The following ZNF343 variants were observed in gnomAD, a reference collection of about 807,000 sequenced individuals.
ZNF343 encodes zinc finger protein 343.
ZNF343 carries 11 observed loss-of-function variants against 13.8 expected under a neutral mutation model. That is an observed-to-expected ratio of 0.80 (90% CI 0.50 to 1.32). The LOEUF (loss-of-function observed/expected upper bound fraction) is 1.32. Ranked by LOEUF, ZNF343 falls within the 40% of genes most tolerant of loss-of-function variation. The pLI is 0.00. For synonymous variants in ZNF343, 248 were observed against 260.0 expected (o/e 0.95, Z 0.44); for missense variants, 658 against 714.2 (o/e 0.92, Z 0.90).
intron 1 of ZNF343, among the ~76,000 whole-genome samples, chr20:2,507,636 G>A (rs1048903211): frequency 2.0e-5 from 3 of 152,144 alleles, no homozygotes; most frequent in African/African-American, 7.2e-5. Flanking sequence ...TAGCCAGCTG[G>A]GCCAGTAATG....
chr20:2,494,419 G>A (rs942277336), intron 2 of ZNF343, among the ~76,000 whole-genome samples: 15 of 152,076 alleles, frequency 9.9e-5, no homozygotes, highest in African/African-American at 3.4e-4. Flanking sequence ...ACTGGGGCGT[G>A]CAGAACTCAG....
chr20:2,484,111 G>A lies in ZNF343; in HGVS notation c.850C>T (p.Leu284Phe). 3 of 1,614,196 alleles carry A rather than the reference G, an allele frequency of 1.9e-6. No individual in the cohort carries two copies. The highest frequency in any genetic ancestry group is 2.5e-6 in the Non-Finnish European group (3 of 1,180,042). ...CGRSFKDRST[L>F]IRHHRIHSME... ...GAGTGTATACGATGGTGTCTGATGA[G>A]GGTTGATCTATCTTTAAAGCTTCGC... The change falls in exon 6 of 6, where the codon CTC becomes TTC. Residue 284 changes from leucine (L) to phenylalanine (F), a missense_variant. Coordinates refer to ENST00000278772, the MANE Select transcript of ZNF343 (RefSeq NM_024325.6).
chr20:2,512,178 A>G (rs954320557), upstream of ZNF343, among the ~76,000 whole-genome samples: 33 of 152,260 alleles, frequency 2.2e-4, no homozygotes, highest in Admixed American at 8.5e-4. Context: ...GTAAGCTCCA[A>G]ATAAATGAAA....
intron 1 of ZNF343, among the ~76,000 whole-genome samples, chr20:2,504,123 G>C (rs1347590582): frequency 6.6e-6 from 1 of 152,222 alleles, no homozygotes; most frequent in Admixed American, 6.5e-5. Context: ...AAATGATAAA[G>C]GGGATATCAC....
In ZNF343 at chr20:2,518,275, C is replaced by A. The variant is rs531450197; in HGVS notation, c.-347+6180G>T. Reference sequence around the variant, plus strand: ...CAGACAGTTTGCCGACCTTGGCCTCCCAGAGTGTTAGAATTACAGGCGTGA... The same window carrying A: ...CAGACAGTTTGCCGACCTTGGCCTCACAGAGTGTTAGAATTACAGGCGTGA... On this transcript the variant is annotated intron_variant, in intron 1 of 6. Coordinates refer to the ZNF343 transcript ENST00000358413. The surrounding 1 kb of genome is among the most constrained non-coding windows in gnomAD (Gnocchi z 4.6). Among the ~76,000 whole-genome samples the A allele has an allele frequency of 6.6e-6, 1 of 152,274 alleles. No individual in the cohort carries two copies. The highest frequency in any genetic ancestry group is 2.4e-5 in the African/African-American group (1 of 41,558).
Position 2,499,396 on chromosome 20 carries a change from C to T in ZNF343, c.-150+1260G>A, listed in dbSNP as rs1343990334. ...AGGAGAATGGCGTGAACCTGGGAGG[C>T]GGAGCTTGCAGTGAGCCGAGATCCC... is the stretch of plus-strand genomic sequence containing the variant. On this transcript the variant is annotated intron_variant, in intron 2 of 5. Coordinates refer to ENST00000278772, the MANE Select transcript of ZNF343 (RefSeq NM_024325.6). Among the ~76,000 whole-genome samples the T allele has an allele frequency of 8.0e-4, 70 of 87,896 alleles. 8 individuals carry two copies. The East Asian group carries it at 0.019, about 24-fold the overall frequency. 57.7% of individuals were successfully genotyped at this position (87,896 alleles called of 152,430 possible).
At chr20:2,484,765 A>G (rs1309850588) in intron 5 of ZNF343, 109 bp from the exon 6 acceptor site, 31 of 994,596 alleles carry the variant, frequency 3.1e-5, no homozygotes, top group Admixed American at 8.0e-5. Context: ...AATTGATAAT[A>G]TAAGTATAAC....
upstream of ZNF343, among the ~76,000 whole-genome samples, chr20:2,512,318 A>G (rs1226279837): frequency 1.3e-5 from 2 of 152,234 alleles, no homozygotes; most frequent in African/African-American, 4.8e-5. Context: ...GGAAAAGTTG[A>G]TCCTAAAGTT....
rs2085183322 is a variant in ZNF343 at position 2,482,582 on chromosome 20, G to A, written c.*579C>T. On this transcript the variant is annotated 3_prime_UTR_variant, in exon 6 of 6. Transcript: ENST00000278772. Reference sequence around the variant, plus strand: ...GGCTGAGAGTGAGTTCCAGAGCGGAGTGCATCTCTGGAATGCATCTCTGCC... The same window carrying A: ...GGCTGAGAGTGAGTTCCAGAGCGGAATGCATCTCTGGAATGCATCTCTGCC... The A allele has an allele frequency of 6.4e-6, 1 of 156,278 alleles. No individual in the cohort carries two copies. The highest frequency in any genetic ancestry group is 1.9e-4 in the East Asian group (1 of 5,204). The allele number at this position is 156,278 out of a possible 1,614,324, so 9.7% of individuals were successfully genotyped here. A position where few individuals can be genotyped will look rare whatever the true frequency, so the allele number is the denominator to read the frequency against.
intron 5 of ZNF343, among the ~76,000 whole-genome samples, chr20:2,485,199 A>G (rs568212420): frequency 1.3e-5 from 2 of 152,354 alleles, no homozygotes; most frequent in Admixed American, 6.5e-5. Flanking sequence ...GAAAATGCCA[A>G]AGTACTAGGT....
rs753540492 is a variant in ZNF343 at position 2,492,810 on chromosome 20, T to C, written c.193A>G (p.Arg65Gly). The C allele has an allele frequency of 4.3e-6, 7 of 1,613,442 alleles. No individual in the cohort carries two copies. The East Asian group carries it at 1.6e-4, about 36-fold the overall frequency. ...TCTGTGAAGATCACAGTCACATCCC[T>C]GAATGTAACTGGTACCTACAAACAA... ...KAQIVVPVTF[R>G]DVTVIFTEAE... The change falls in exon 5 of 6, where the codon AGG (arginine) becomes GGG (glycine). Residue 65 changes from arginine to glycine, a missense_variant. Coordinates refer to ENST00000278772, the MANE Select transcript of ZNF343 (RefSeq NM_024325.6).
chr20:2,495,684 CTTT>C (rs776678618), intron 2 of ZNF343, among the ~76,000 whole-genome samples: 11 of 136,772 alleles, frequency 8.0e-5, no homozygotes, highest in African/African-American at 8.0e-5. Flanking sequence ...TTTCTTTTTT[CTTT>C]TTTTTTTTTT....
chr20:2,492,701 A>T lies in ZNF343; in HGVS notation c.302T>A (p.Leu101Ter), dbSNP rs1184733155. ...MLENYRNLLS[L>*]AEPKPEIYTC... ...GAAAGGAAAGAACACAGCCTTACCC[A>T]ATGAGAGAAGATTCCTGTAATTCTC... is the stretch of plus-strand genomic sequence containing the variant. Residue 101 changes from leucine (L) to a stop codon, truncating the protein, a stop_gained and splice_region_variant, in exon 5 of 6, where the codon TTG becomes TAG. Coordinates refer to ENST00000278772, the MANE Select transcript of ZNF343 (RefSeq NM_024325.6). LOFTEE classifies it low-confidence loss of function (END_TRUNC). The T allele has an allele frequency of 5.0e-6, 8 of 1,611,310 alleles. No homozygotes were observed. Among genetic ancestry groups the T allele is most frequent in the Non-Finnish European group, 6.8e-6 (8 of 1,179,296 alleles).
chr20:2,484,403 C>T lies in ZNF343; in HGVS notation c.558G>A (p.Glu186=). 1.2e-6 allele frequency: 2 copies of T among 1,614,226 alleles called. No homozygotes were observed. The highest frequency in any genetic ancestry group is 1.7e-6 in the Non-Finnish European group (2 of 1,180,040). Residue 186 remains glutamate, a synonymous_variant, in exon 6 of 6, where the codon GAG becomes GAA. Coordinates refer to ENST00000278772, the MANE Select transcript of ZNF343 (RefSeq NM_024325.6). ...GSKPWSARTE[E]RETSRAFPSP... ...TGGGGAATGCCCTTGAGGTTTCTCT[C>T]TCCTCTGTCCTTGCAGACCAGGGTT...
At chr20:2,509,199 C>G (rs1449424719), upstream of ZNF343, 1 of 152,234 alleles carries the variant, frequency 6.6e-6, no homozygotes. Flanking sequence ...CGAGAGAAGT[C>G]ATTTCCGATT....
At chr20:2,514,088 AAG>A (rs1163590959) in intron 1 of ZNF343, among the ~76,000 whole-genome samples, 8 of 152,346 alleles carry the variant, frequency 5.3e-5, no homozygotes, top group Admixed American at 3.3e-4. Flanking sequence ...TAAAAGGAAA[AAG>A]AAGTTTTAAA....
intron 2 of ZNF343, among the ~76,000 whole-genome samples, chr20:2,500,056 A>G (rs1210898391): frequency 6.6e-6 from 1 of 152,144 alleles, no homozygotes; most frequent in Admixed American, 6.5e-5. Flanking sequence ...ATTTATAGGT[A>G]AAATTATGTG....
At chr20:2,520,859 G>A (rs1291212642) in intron 1 of ZNF343, among the ~76,000 whole-genome samples, 1 of 152,176 alleles carries the variant, frequency 6.6e-6, no homozygotes, top group African/African-American at 2.4e-5. Context: ...TTGGCACTTG[G>A]ACTCTGAAAC....
chr20:2,511,515 A>C (rs529008899), upstream of ZNF343, among the ~76,000 whole-genome samples: 25 of 152,180 alleles, frequency 1.6e-4, no homozygotes, highest in Non-Finnish European at 3.4e-4. Flanking sequence ...CTCCCTCAGC[A>C]TCCCTCTGTG....
Sources: allele counts gnomAD v4.1 joint callset (sites outside exome capture counted in the v4.1 genomes callset), GRCh38; gene constraint gnomAD v4.1.1; non-coding constraint Gnocchi (gnomAD v3.1); transcripts MANE v1.5; gene names NCBI Gene and HGNC (gene_info 2026-07-23, HGNC 2026-07-21).